Variants in FMN1 observed in about 807,000 individuals in gnomAD.
FMN1 encodes formin 1, also known as formin-1.
A neutral mutation model predicts 132.4 loss-of-function variants in FMN1; 110 were observed. The ratio of observed to expected loss-of-function variants is 0.83; its 90% CI spans 0.71 to 0.97. The LOEUF (loss-of-function observed/expected upper bound fraction) is 0.97. Among genes scored for constraint, FMN1 ranks in the 50% least tolerant of loss-of-function variants. FMN1 has a pLI of 0.00. For synonymous variants in FMN1, 722 were observed against 651.7 expected (o/e 1.11, Z -1.64); for missense variants, 1,792 against 1,705.3 (o/e 1.05, Z -0.90).
chr15:32,785,216 A>ATTTTTTT lies in FMN1; in HGVS notation c.4131-8298_4131-8297insAAAAAAA, dbSNP rs1281698107. On this transcript the variant is annotated intron_variant, in intron 19 of 20. Transcript: ENST00000616417. Reference sequence around the variant, plus strand: ...TGTGTGTGTGTATATATATATATATATATTTTTTTTTTTTTTTTTTTGTAG... The same window carrying ATTTTTTT: ...TGTGTGTGTGTATATATATATATATATTTTTTTTATTTTTTTTTTTTTTTTTTTGTAG... Among the ~76,000 whole-genome samples the ATTTTTTT allele has an allele frequency of 5.5e-4, 11 of 20,088 alleles. 2 individuals are homozygous for ATTTTTTT. Among genetic ancestry groups the ATTTTTTT allele is most frequent in the African/African-American group, 9.7e-4 (7 of 7,242 alleles). 13.2% of individuals were successfully genotyped at this position (20,088 alleles called of 152,430 possible).
intron 17 of FMN1, among the ~76,000 whole-genome samples, chr15:32,824,384 G>C (rs1391576106): frequency 1.3e-5 from 2 of 152,076 alleles, no homozygotes; most frequent in Non-Finnish European, 2.9e-5. Flanking sequence ...ATTACACATA[G>C]GTAATGCTTT....
intron 7 of FMN1, among the ~76,000 whole-genome samples, chr15:32,999,362 G>C (rs747709105): frequency 1.3e-5 from 2 of 152,180 alleles, no homozygotes; most frequent in Non-Finnish European, 2.9e-5. Context: ...ACTCAATTCT[G>C]TTTCAACAGC....
intron 10 of FMN1, 21 bp downstream of exon 10, chr15:32,926,153 A>G: frequency 7.9e-7 from 1 of 1,273,522 alleles, no homozygotes; most frequent in Non-Finnish European, 1.1e-6. Context: ...AAGTAAAACA[A>G]AAGTGATAGA....
chr15:33,121,746 C>T (rs1962579046), intron 4 of FMN1, among the ~76,000 whole-genome samples: 2 of 152,116 alleles, frequency 1.3e-5, no homozygotes, highest in Non-Finnish European at 2.9e-5. Flanking sequence ...CCAGGATGGT[C>T]TCAATCTCCT....
intron 15 of FMN1, among the ~76,000 whole-genome samples, chr15:32,888,920 A>G (rs1452921218): frequency 1.3e-5 from 2 of 150,346 alleles, no homozygotes; most frequent in East Asian, 3.9e-4. Flanking sequence ...GTGCACTGAC[A>G]CAATCACGGT....
intron 10 of FMN1, among the ~76,000 whole-genome samples, chr15:32,921,544 C>A (rs573824775): frequency 2.0e-5 from 3 of 152,242 alleles, no homozygotes; most frequent in African/African-American, 7.2e-5. Flanking sequence ...ATTACTGATG[C>A]AATAATATAA....
chr15:33,166,595 T>C (rs944362843), intron 3 of FMN1, among the ~76,000 whole-genome samples: 1 of 152,126 alleles, frequency 6.6e-6, no homozygotes, highest in Non-Finnish European at 1.5e-5. Context: ...CTACAAGAGA[T>C]CATATAGGCA....
chr15:32,990,543 T>C (rs1347855996), intron 7 of FMN1, among the ~76,000 whole-genome samples: 1 of 152,110 alleles, frequency 6.6e-6, no homozygotes, highest in Non-Finnish European at 1.5e-5. Context: ...AGAGAAGGAA[T>C]GGAAGGTCAA....
intron 4 of FMN1, among the ~76,000 whole-genome samples, chr15:33,104,747 AAG>A (rs993054438): frequency 6.6e-6 from 1 of 152,156 alleles, no homozygotes; most frequent in Non-Finnish European, 1.5e-5. Context: ...AAAAAGAAAA[AAG>A]AGTAAAGGAA....
chr15:32,906,418 G>A (rs1016018490), intron 12 of FMN1, among the ~76,000 whole-genome samples: 4 of 152,192 alleles, frequency 2.6e-5, no homozygotes, highest in African/African-American at 7.2e-5. Flanking sequence ...GGGGCACAGC[G>A]ATACCCATTT....
rs1465160419 is a variant in FMN1 at position 32,798,731 on chromosome 15, C to T, written c.4130+73G>A. Reference sequence around the variant, plus strand: ...AACATCGACAGGTGTGAAATAGACACACTTTGATAGGTTTAAGAGTGCAGT... The same window carrying T: ...AACATCGACAGGTGTGAAATAGACATACTTTGATAGGTTTAAGAGTGCAGT... On this transcript the variant is annotated intron_variant, in intron 19 of 20. Coordinates refer to ENST00000616417, the MANE Select transcript of FMN1 (RefSeq NM_001277313.2). 5.3e-6 allele frequency: 7 copies of T among 1,311,314 alleles called. No individual in the cohort carries two copies. In the African/African-American group the frequency reaches 9.0e-5, roughly 17 times the overall value. 81.2% of individuals were successfully genotyped at this position (1,311,314 alleles called of 1,614,324 possible). A position where few individuals can be genotyped will look rare whatever the true frequency, so the allele number is the denominator to read the frequency against.
chr15:33,067,664 G>C (rs1270599559), intron 5 of FMN1: 21 of 1,613,892 alleles, frequency 1.3e-5, no homozygotes, highest in Non-Finnish European at 1.8e-5. Flanking sequence ...GCCATTGCTG[G>C]AATCATCCTG....
intron 10 of FMN1, among the ~76,000 whole-genome samples, chr15:32,923,011 A>G (rs1341546980): frequency 8.5e-5 from 13 of 152,224 alleles, no homozygotes; most frequent in African/African-American, 3.1e-4. Context: ...GTAAGAAGGA[A>G]TACTCTCCTC....
intron 10 of FMN1, among the ~76,000 whole-genome samples, chr15:32,913,010 A>G (rs1049813463): frequency 3.9e-5 from 6 of 152,184 alleles, no homozygotes; most frequent in African/African-American, 1.4e-4. Context: ...TATCCCCTTT[A>G]ACATCTGGAA....
At chr15:32,817,894 T>C (rs2058100696) in intron 17 of FMN1, among the ~76,000 whole-genome samples, 2 of 152,226 alleles carry the variant, frequency 1.3e-5, no homozygotes, top group South Asian at 2.1e-4. Flanking sequence ...CACATTGATA[T>C]GGTAACAATT....
intron 20 of FMN1, among the ~76,000 whole-genome samples, chr15:32,776,567 G>A (rs111457213): frequency 0.022 from 3,342 of 152,190 alleles, 93 homozygotes; most frequent in Admixed American, 0.072. Flanking sequence ...ACTGTACTGC[G>A]GGTAGGGTGT....
At position 33,003,304 on chromosome 15, in the gene FMN1, T is replaced by C. The variant is rs560511139; in HGVS notation, c.2223+4710A>G. 2.0e-5 allele frequency among the ~76,000 whole-genome samples: 3 copies of C among 152,308 alleles called. No individual in the cohort carries two copies. In the South Asian group the frequency reaches 6.2e-4, roughly 32 times the overall value. On this transcript the variant is annotated intron_variant, in intron 7 of 20. Coordinates refer to ENST00000616417, the MANE Select transcript of FMN1 (RefSeq NM_001277313.2). ...GTGATTGTGTATCTAGAAAACCCCA[T>C]TGTCTCAGCCCAAAATCTCCTTAAG...
At chr15:33,043,908 C>T (rs557253894) in intron 6 of FMN1, among the ~76,000 whole-genome samples, 42 of 152,216 alleles carry the variant, frequency 2.8e-4, no homozygotes, top group South Asian at 2.1e-3. Flanking sequence ...GCTGCAGCTG[C>T]CCAAGCCATG....
At chr15:33,102,366 C>G (rs1175838509) in intron 4 of FMN1, among the ~76,000 whole-genome samples, 70 of 152,062 alleles carry the variant, frequency 4.6e-4, no homozygotes, top group Admixed American at 4.6e-3. Context: ...CATTGGGGAG[C>G]AGAAAGATAA....
Sources: gnomAD v4.1 joint callset for allele counts (sites outside exome capture counted in the v4.1 genomes callset) on GRCh38, gnomAD v4.1.1 for gene constraint, MANE v1.5 for transcripts, NCBI Gene and HGNC (gene_info 2026-07-23, HGNC 2026-07-21) for gene names.